Variants in STYK1 observed in about 807,000 individuals in gnomAD.
STYK1 encodes tyrosine-protein kinase STYK1.
In STYK1, 46 loss-of-function variants were observed where a neutral mutation model predicts 48.1. The observed-to-expected ratio is 0.96, with a 90% CI of 0.75 to 1.22. STYK1 has a LOEUF of 1.22. STYK1 is among the 50% of genes most tolerant of loss of function. The pLI is 0.00. For missense variants in STYK1, 527 were observed against 521.1 expected (o/e 1.01, Z -0.11); for synonymous variants, 188 against 189.0 (o/e 0.99, Z 0.04).
At chr12:10,637,333 A>C (rs914391085) in intron 1 of STYK1, 137 bp from the exon 2 acceptor site, 1 of 145,914 alleles carries the variant, frequency 6.9e-6, no homozygotes, top group African/African-American at 2.5e-5. Context: ...AGATGAGTCT[A>C]GGATTTTTTT....
In STYK1 at chr12:10,620,250, T is replaced by C. The variant is rs144640797; in HGVS notation, c.1163A>G (p.Asp388Gly). 2.1e-4 allele frequency: 336 copies of C among 1,614,220 alleles called. 1 individual carries two copies. In the African/African-American group the frequency reaches 4.0e-3, roughly 19 times the overall value. The change falls in exon 11 of 11, where the codon GAT becomes GGT. Residue 388 changes from aspartate (D) to glycine (G), a missense_variant. By Grantham distance (94) the Asp-to-Gly change is moderately conservative. Transcript: ENST00000075503. ...TGGTACTTGTAACACAGCCTCGTCA[T>C]CTGCAGTTTTAATGGCAGCTTCTAG... is the stretch of plus-strand genomic sequence containing the variant. ...LRLEAAIKTA[D>G]DEAVLQVPEL...
intron 1 of STYK1, among the ~76,000 whole-genome samples, chr12:10,642,382 T>G (rs1947554843): frequency 6.6e-6 from 1 of 152,234 alleles, no homozygotes; most frequent in South Asian, 2.1e-4. Flanking sequence ...ATATGTAAAG[T>G]GCTGCTGATG....
chr12:10,637,608 T>C (rs1031465066), intron 1 of STYK1, among the ~76,000 whole-genome samples: 8 of 152,158 alleles, frequency 5.3e-5, no homozygotes, highest in African/African-American at 1.9e-4. Flanking sequence ...CCCAAAGTGC[T>C]GGGATTACAG....
chr12:10,647,586 T>C (rs1049844439), intron 1 of STYK1, among the ~76,000 whole-genome samples: 8 of 150,722 alleles, frequency 5.3e-5, no homozygotes, highest in African/African-American at 1.5e-4. Context: ...CTGAAATGAG[T>C]TAAGATTTTG....
chr12:10,647,790 A>G (rs1565568587), intron 1 of STYK1, among the ~76,000 whole-genome samples: 1 of 152,128 alleles, frequency 6.6e-6, no homozygotes, highest in Non-Finnish European at 1.5e-5. Context: ...GTGAGAGTGA[A>G]TAAGTCTCAC....
chr12:10,621,777 C>T (rs1865910078), intron 10 of STYK1, 99 bp downstream of exon 10: 1 of 1,043,230 alleles, frequency 9.6e-7, no homozygotes, highest in Non-Finnish European at 1.5e-6. Context: ...TACATATACA[C>T]AGGTGAGGAT....
intron 5 of STYK1, among the ~76,000 whole-genome samples, chr12:10,630,255 A>G (rs2120636866): frequency 6.6e-6 from 1 of 151,832 alleles, no homozygotes; most frequent in South Asian, 2.1e-4. Context: ...CCATAGTGGC[A>G]CACGGCTGTA....
chr12:10,648,610 ATTATTTAT>A (rs549570751), intron 1 of STYK1, among the ~76,000 whole-genome samples: 39 of 151,980 alleles, frequency 2.6e-4, no homozygotes, highest in African/African-American at 8.9e-4. Context: ...AAGACAAAAT[ATTATTTAT>A]TTATTTATTT....
At chr12:10,625,472 C>T (rs982728162) in intron 7 of STYK1, among the ~76,000 whole-genome samples, 5 of 152,168 alleles carry the variant, frequency 3.3e-5, no homozygotes, top group African/African-American at 1.2e-4. Context: ...CCTCCTCGGC[C>T]TCCCAAAGTG....
At chr12:10,653,857 GAGC>G (rs1432780882) in intron 1 of STYK1, among the ~76,000 whole-genome samples, 4 of 152,218 alleles carry the variant, frequency 2.6e-5, no homozygotes, top group Non-Finnish European at 5.9e-5. Context: ...ATTTGAACCA[GAGC>G]AGCTCCATCT....
At chr12:10,664,417 G>C (rs1947813290) in intron 1 of STYK1, among the ~76,000 whole-genome samples, 1 of 152,138 alleles carries the variant, frequency 6.6e-6, no homozygotes. Context: ...AGTCCACAAA[G>C]ATGCAGCCCC....
At chr12:10,646,833 G>T (rs2120719706) in intron 1 of STYK1, among the ~76,000 whole-genome samples, 1 of 152,338 alleles carries the variant, frequency 6.6e-6, no homozygotes, top group East Asian at 1.9e-4. Context: ...TGCTCCAGCT[G>T]TGACTAAAAG....
rs1033311617 is a variant in STYK1 at position 10,662,878 on chromosome 12, C to T, written c.-195+11088G>A. 2.6e-5 allele frequency among the ~76,000 whole-genome samples: 4 copies of T among 152,244 alleles called. No individual in the cohort carries two copies. In the East Asian group the frequency reaches 7.7e-4, roughly 29 times the overall value. ...ATTTTGACAGTTTTGTGTTTGATTG[C>T]TAGTGCTTTTGACGTGTGTCTAAGA... On this transcript the variant is annotated intron_variant, in intron 1 of 10. Transcript: ENST00000075503.
intron 1 of STYK1, among the ~76,000 whole-genome samples, chr12:10,637,842 T>C (rs1947503005): frequency 6.6e-6 from 1 of 152,202 alleles, no homozygotes; most frequent in African/African-American, 2.4e-5. Context: ...GCCTGTCCAC[T>C]CTGTCAAGCT....
intron 1 of STYK1, among the ~76,000 whole-genome samples, chr12:10,655,418 T>A (rs1471806422): frequency 6.6e-6 from 1 of 152,244 alleles, no homozygotes; most frequent in African/African-American, 2.4e-5. Context: ...CTCCAGGCTC[T>A]TTCTGAGAAG....
intron 1 of STYK1, among the ~76,000 whole-genome samples, chr12:10,659,214 A>C (rs191024830): frequency 6.6e-6 from 1 of 152,324 alleles, no homozygotes; most frequent in Non-Finnish European, 1.5e-5. Context: ...TTTGTTTTTC[A>C]GAGTCAAGAA....
At chr12:10,648,336 C>G (rs1258377780) in intron 1 of STYK1, among the ~76,000 whole-genome samples, 1 of 151,850 alleles carries the variant, frequency 6.6e-6, no homozygotes, top group Non-Finnish European at 1.5e-5. Flanking sequence ...AAAAAACTTT[C>G]TTCCAACAGA....
At position 10,631,058 on chromosome 12, in the gene STYK1, G is replaced by A. The variant is rs143474286; in HGVS notation, c.438C>T (p.Leu146=). 6.2e-7 allele frequency: 1 copy of A among 1,613,822 alleles called. No individual in the cohort carries two copies. The highest frequency in any genetic ancestry group is 1.7e-5 in the Admixed American group (1 of 60,024). The change falls in exon 5 of 11, where the codon CTC becomes CTT. Residue 146 remains leucine (L), a synonymous_variant. Transcript: ENST00000075503. The part of the protein sequence containing the change: ...GDPSKPKSVI[L]KALKEPAGLH... ...TTCTTGTTTTACCTTTTAAAGCCTT[G>A]AGAATAACACTCTTGGGCTTAGAAG...
At chr12:10,643,466 G>A (rs957025763) in intron 1 of STYK1, among the ~76,000 whole-genome samples, 5 of 152,184 alleles carry the variant, frequency 3.3e-5, no homozygotes, top group Non-Finnish European at 1.5e-5. Flanking sequence ...GTCCATTCAA[G>A]ACAGCTCTAC....
Sources: allele counts gnomAD v4.1 joint callset (sites outside exome capture counted in the v4.1 genomes callset), GRCh38; gene constraint gnomAD v4.1.1; transcripts MANE v1.5; gene names NCBI Gene and HGNC (gene_info 2026-07-23, HGNC 2026-07-21).